RORA: variants seen among roughly 807,000 people sequenced by gnomAD.
RORA encodes the protein RAR related orphan receptor A.
In RORA, 7 loss-of-function variants were observed where a neutral mutation model predicts 69.5. The ratio of observed to expected loss-of-function variants is 0.10; its 90% confidence interval spans 0.06 to 0.19. The LOEUF (loss-of-function observed/expected upper bound fraction) is 0.19, where lower values mean the gene tolerates loss of function less well. RORA is among the 10% of genes least tolerant of loss of function. The pLI is 1.00. For synonymous variants in RORA, 261 were observed against 240.8 expected, an observed-to-expected ratio of 1.08 and a Z score of -0.78; for missense variants, 457 against 663.0, an observed-to-expected ratio of 0.69 and a Z score of 3.41.
At chr15:60,925,597 G>T (rs1892191503) in intron 1 of RORA, among the ~76,000 whole-genome samples, 1 of 152,224 alleles carries the variant, frequency 6.6e-6, no homozygotes, top group Non-Finnish European at 1.5e-5. Flanking sequence ...CTTTGGCCCA[G>T]CAGCCCCACA....
chr15:60,792,814 C>A (rs532164687), intron 1 of RORA, among the ~76,000 whole-genome samples: 45 of 152,250 alleles, frequency 3.0e-4, no homozygotes, highest in Admixed American at 1.7e-3. Flanking sequence ...CAAATGGTAA[C>A]TCAGATCTAC....
chr15:61,145,067 T>C (rs2079334841), intron 1 of RORA, among the ~76,000 whole-genome samples: 1 of 152,210 alleles, frequency 6.6e-6, no homozygotes. Flanking sequence ...TTTGTTTCCA[T>C]ACTACTATAT....
chr15:60,673,418 G>A (rs895503657), intron 2 of RORA, among the ~76,000 whole-genome samples: 2 of 152,230 alleles, frequency 1.3e-5, no homozygotes, highest in Non-Finnish European at 2.9e-5. Context: ...CAAGGCAAAC[G>A]CTTCCAGACA....
intron 1 of RORA, among the ~76,000 whole-genome samples, chr15:60,773,040 T>C (rs1438743370): frequency 6.6e-6 from 1 of 152,224 alleles, no homozygotes; most frequent in Admixed American, 6.5e-5. Flanking sequence ...TAGCTTTCTT[T>C]GACTAAAATG....
At chr15:60,893,097 G>C (rs1567228098) in intron 1 of RORA, among the ~76,000 whole-genome samples, 1 of 152,208 alleles carries the variant, frequency 6.6e-6, no homozygotes, top group African/African-American at 2.4e-5. Flanking sequence ...AGGCTGAAGA[G>C]AATCACCAGG....
intron 1 of RORA, among the ~76,000 whole-genome samples, chr15:60,858,583 G>A (rs986126603): frequency 3.3e-5 from 5 of 152,002 alleles, no homozygotes; most frequent in African/African-American, 4.8e-5. Flanking sequence ...CAGCGGGGAT[G>A]GGGTGAAGCA....
At chr15:61,106,332 T>C (rs1052047581) in intron 1 of RORA, among the ~76,000 whole-genome samples, 2 of 152,228 alleles carry the variant, frequency 1.3e-5, no homozygotes, top group Admixed American at 6.5e-5. Context: ...CCATACAGAA[T>C]TGAGTTTTAA....
At chr15:60,857,141 A>C (rs754452343) in intron 1 of RORA, among the ~76,000 whole-genome samples, 3 of 152,180 alleles carry the variant, frequency 2.0e-5, no homozygotes, top group African/African-American at 7.2e-5. Flanking sequence ...TGGGCCAGCC[A>C]GAAAAATAAT....
At chr15:60,540,073 T>C (rs941336735) in intron 2 of RORA, among the ~76,000 whole-genome samples, 7 of 152,232 alleles carry the variant, frequency 4.6e-5, no homozygotes, top group Admixed American at 1.3e-4. Flanking sequence ...AAATTCCTAA[T>C]AACGTTGTTT....
chr15:60,508,929 A>T (rs1319276731), intron 5 of RORA, among the ~76,000 whole-genome samples: 1 of 152,224 alleles, frequency 6.6e-6, no homozygotes. Context: ...TTCCTAGCCA[A>T]GGATGAAGTC....
At chr15:61,137,865 CAAT>C (rs759511579) in intron 1 of RORA, among the ~76,000 whole-genome samples, 1 of 152,134 alleles carries the variant, frequency 6.6e-6, no homozygotes, top group Non-Finnish European at 1.5e-5. Context: ...ATTCACTCAA[CAAT>C]AATGAATAAC....
intron 1 of RORA, among the ~76,000 whole-genome samples, chr15:60,804,389 T>C (rs2072630497): frequency 6.6e-6 from 1 of 151,420 alleles, no homozygotes; most frequent in Admixed American, 6.6e-5. Flanking sequence ...CATTTAGTGC[T>C]CCCAACAACT....
rs1014535659 is a variant in RORA at position 61,217,649 on chromosome 15, CTT to C, written c.166+11402_166+11403del. On this transcript the variant is annotated intron_variant, in intron 1 of 10. Transcript: ENST00000335670. Reference sequence around the variant, plus strand: ...CCAGAAAGGCAGGGAGCTCGCCTCTCTTGTTTGCTGCTTTATCCCCAGGCCCT... The same window carrying C: ...CCAGAAAGGCAGGGAGCTCGCCTCTCGTTTGCTGCTTTATCCCCAGGCCCT... Among the ~76,000 whole-genome samples the C allele has an allele frequency of 1.1e-3, 160 of 152,252 alleles. 1 individual carries two copies. Among genetic ancestry groups the C allele is most frequent in the African/African-American group, 3.5e-3 (146 of 41,554 alleles).
chr15:60,904,679 G>A (rs886684919), intron 1 of RORA, among the ~76,000 whole-genome samples: 1 of 152,162 alleles, frequency 6.6e-6, no homozygotes, highest in Non-Finnish European at 1.5e-5. Context: ...AAGACACTTT[G>A]GGGCTCAAAC....
At chr15:60,586,542 A>G (rs1189491591) in intron 2 of RORA, among the ~76,000 whole-genome samples, 2 of 152,156 alleles carry the variant, frequency 1.3e-5, no homozygotes, top group Non-Finnish European at 2.9e-5. Context: ...AGATGGATTA[A>G]ATGTGTTCTG....
At chr15:60,939,455 C>A (rs1427278730) in intron 1 of RORA, among the ~76,000 whole-genome samples, 1 of 152,182 alleles carries the variant, frequency 6.6e-6, no homozygotes, top group African/African-American at 2.4e-5. Flanking sequence ...TGCTCACTTG[C>A]AACTCTGGGC....
chr15:60,813,567 T>A (rs1567199867), intron 1 of RORA, among the ~76,000 whole-genome samples: 1 of 152,200 alleles, frequency 6.6e-6, no homozygotes, highest in Non-Finnish European at 1.5e-5. Context: ...TGAGCCCCAC[T>A]TAATTGTAAC....
rs564047659 is a variant in RORA at position 60,905,131 on chromosome 15, A to C, written c.167-226445T>G. 6.6e-6 allele frequency among the ~76,000 whole-genome samples: 1 copy of C among 152,302 alleles called. No homozygotes were observed. The highest frequency in any genetic ancestry group is 1.9e-4 in the East Asian group (1 of 5,190). On this transcript the variant is annotated intron_variant, in intron 1 of 10. Transcript: ENST00000335670. This position sits in a 1 kb window ranked among gnomAD's most constrained non-coding sequence, Gnocchi z 4.8. The stretch of plus-strand genomic sequence containing the variant: ...GGCTGGGGAGGCTTGGAAATATTTT[A>C]GTTACATAAACTGACATCAACCCCT...
intron 1 of RORA, among the ~76,000 whole-genome samples, chr15:61,062,969 G>A (rs938060816): frequency 3.9e-5 from 6 of 152,146 alleles, no homozygotes; most frequent in Admixed American, 3.9e-4. Flanking sequence ...AATTTACACA[G>A]TTGGAGTATA....
Sources: gnomAD v4.1 joint callset for allele counts (sites outside exome capture counted in the v4.1 genomes callset) on GRCh38, gnomAD v4.1.1 for gene constraint, Gnocchi (gnomAD v3.1) non-coding constraint, MANE v1.5 for transcripts, NCBI Gene and HGNC (gene_info 2026-07-23, HGNC 2026-07-21) for gene names.